Variants in TC2N observed in about 807,000 individuals in gnomAD.
The protein encoded by TC2N is tandem C2 domains, nuclear.
A neutral mutation model predicts 61.9 loss-of-function variants in TC2N; 51 were observed. That is an observed-to-expected ratio of 0.82 (90% confidence interval 0.66 to 1.04). The LOEUF is 1.04. TC2N is among the 50% of genes least tolerant of loss of function. The probability of loss-of-function intolerance (pLI) is 0.00; values close to 1 mark genes in which losing one functional copy is unlikely to be tolerated. For missense variants in TC2N, 556 were observed against 566.7 expected (o/e 0.98, Z 0.19); for synonymous variants, 204 against 192.6 (o/e 1.06, Z -0.49).
chr14:91,801,345 A>C (rs1229373515), intron 4 of TC2N, among the ~76,000 whole-genome samples: 2 of 152,204 alleles, frequency 1.3e-5, no homozygotes, highest in African/African-American at 2.4e-5. Context: ...TATACAGGTG[A>C]CAAGTGAAAT....
At chr14:91,844,053 G>A (rs1255251522) in intron 1 of TC2N, among the ~76,000 whole-genome samples, 3 of 150,758 alleles carry the variant, frequency 2.0e-5, no homozygotes, top group Non-Finnish European at 3.0e-5. Flanking sequence ...CAGAAGAAAG[G>A]AAAAAAAAAT....
chr14:91,816,703 A>T (rs551184674), intron 1 of TC2N, among the ~76,000 whole-genome samples: 2 of 152,036 alleles, frequency 1.3e-5, no homozygotes, highest in South Asian at 2.1e-4. Flanking sequence ...GTTATACAGT[A>T]TGAGAAATGG....
At chr14:91,800,221 C>T in intron 5 of TC2N, 60 bp downstream of exon 5, 1 of 1,040,372 alleles carries the variant, frequency 9.6e-7, no homozygotes, top group East Asian at 2.8e-5. Context: ...TCATACATTT[C>T]TGAATTTTTA....
intron 1 of TC2N, among the ~76,000 whole-genome samples, chr14:91,829,282 T>C (rs1436993454): frequency 6.6e-6 from 1 of 152,106 alleles, no homozygotes; most frequent in African/African-American, 2.4e-5. Context: ...CTTTCTTTTC[T>C]TGCAGAAATT....
chr14:91,817,143 A>G (rs1203339873), intron 1 of TC2N, among the ~76,000 whole-genome samples: 1 of 151,968 alleles, frequency 6.6e-6, no homozygotes, highest in Admixed American at 6.6e-5. Context: ...TACACAGAAC[A>G]TAGTATATCT....
chr14:91,826,394 A>T (rs576093832), intron 1 of TC2N, among the ~76,000 whole-genome samples: 1 of 151,794 alleles, frequency 6.6e-6, no homozygotes, highest in Admixed American at 6.6e-5. Flanking sequence ...TATAGTACTA[A>T]AAGAGATGCA....
In TC2N at chr14:91,813,636, A is replaced by G. The variant is rs182077792; in HGVS notation, c.67+67T>C. The G allele has an allele frequency of 2.7e-4, 313 of 1,144,576 alleles. 1 individual carries two copies. In the African/African-American group the frequency reaches 3.2e-3, roughly 12 times the overall value. The allele number at this position is 1,144,576 out of a possible 1,614,324, so 70.9% of individuals were successfully genotyped here. On this transcript the variant is annotated intron_variant, in intron 2 of 11. Transcript: ENST00000435962. ...AGTTGGAAAACATGCCTAATTCTTTATATTACAAAATGCCACAAATGAAGA... is the reference window on the plus strand; with the variant it reads ...AGTTGGAAAACATGCCTAATTCTTTGTATTACAAAATGCCACAAATGAAGA...
At chr14:91,806,700 AGCAT>A (rs2139853468) in intron 3 of TC2N, among the ~76,000 whole-genome samples, 1 of 152,266 alleles carries the variant, frequency 6.6e-6, no homozygotes, top group Admixed American at 6.5e-5. Context: ...TTTAAAAGAG[AGCAT>A]AAAAGTTCGA....
At position 91,802,254 on chromosome 14, in the gene TC2N, C is replaced by A; in HGVS notation, c.469G>T (p.Val157Phe). The A allele has an allele frequency of 1.3e-6, 2 of 1,533,792 alleles. No individual in the cohort carries two copies. The highest frequency in any genetic ancestry group is 1.3e-5 in the South Asian group (1 of 76,016). ...GGAAAAGCACAAAAGATCTTCATAC[C>A]CGATCCATACAGTCTCTTCACTTCT... The part of the protein sequence containing the change: ...RSEVKRLYGS[V>F]CDLRTNKLPG... The change falls in exon 4 of 12, where the codon GTT (valine) becomes TTT (phenylalanine). Residue 157 changes from valine (V) to phenylalanine (F), a missense_variant and splice_region_variant. By Grantham distance (50) the Val-to-Phe change is conservative. Transcript: ENST00000435962.
At chr14:91,831,152 G>T (rs866276375) in intron 1 of TC2N, among the ~76,000 whole-genome samples, 1 of 151,590 alleles carries the variant, frequency 6.6e-6, no homozygotes, top group African/African-American at 2.4e-5. Flanking sequence ...CCTATCTTTT[G>T]AATTGTTTTT....
At chr14:91,853,863 C>G (rs1403007467) in intron 1 of TC2N, among the ~76,000 whole-genome samples, 1 of 151,836 alleles carries the variant, frequency 6.6e-6, no homozygotes, top group African/African-American at 2.4e-5. Context: ...CATCTGGGAT[C>G]TGGCATAAGC....
At chr14:91,789,968 G>A (rs1464772221) in intron 9 of TC2N, among the ~76,000 whole-genome samples, 1 of 152,098 alleles carries the variant, frequency 6.6e-6, no homozygotes, top group Non-Finnish European at 1.5e-5. Flanking sequence ...CTTCTTAGCG[G>A]GGCAATACAT....
chr14:91,803,011 A>G (rs1481690807), intron 3 of TC2N, among the ~76,000 whole-genome samples: 2 of 152,190 alleles, frequency 1.3e-5, no homozygotes, highest in Non-Finnish European at 2.9e-5. Flanking sequence ...ACTGGGAATT[A>G]GGAATATAAT....
intron 1 of TC2N, among the ~76,000 whole-genome samples, chr14:91,844,661 T>C (rs962169226): frequency 1.4e-5 from 2 of 146,060 alleles, no homozygotes; most frequent in Admixed American, 7.1e-5. Flanking sequence ...CTCGGGAGGG[T>C]GAGGCAGGAG....
At chr14:91,828,802 G>A (rs1471919533) in intron 1 of TC2N, among the ~76,000 whole-genome samples, 1 of 151,838 alleles carries the variant, frequency 6.6e-6, no homozygotes, top group Non-Finnish European at 1.5e-5. Flanking sequence ...AGATTTTTAG[G>A]TTTGACTTTT....
At chr14:91,845,408 G>A (rs1392797378) in intron 1 of TC2N, among the ~76,000 whole-genome samples, 1 of 152,124 alleles carries the variant, frequency 6.6e-6, no homozygotes, top group Non-Finnish European at 1.5e-5. Flanking sequence ...CCAAAGCTAT[G>A]TGTGACTCTA....
In TC2N at chr14:91,783,189, T is replaced by C. The variant is rs762413205; in HGVS notation, c.1384A>G (p.Asn462Asp). The C allele has an allele frequency of 3.1e-6, 5 of 1,608,644 alleles. No homozygotes were observed. The highest frequency in any genetic ancestry group is 4.3e-6 in the Non-Finnish European group (5 of 1,175,972). Residue 462 changes from asparagine (N) to aspartate (D), a missense_variant, in exon 12 of 12, where the codon AAT becomes GAT. Coordinates refer to ENST00000435962, the MANE Select transcript of TC2N (RefSeq NM_001128596.3). Reference sequence around the variant, plus strand: ...CACTGGTTCACTGCTTCAATGTTATTACTGTCTTCACTTATCCAAATCTGT... The same window carrying C: ...CACTGGTTCACTGCTTCAATGTTATCACTGTCTTCACTTATCCAAATCTGT... ...VGQIWISEDSNNIEAVNQWKE... is the reference protein window; with the variant it reads ...VGQIWISEDSDNIEAVNQWKE...
intron 1 of TC2N, among the ~76,000 whole-genome samples, chr14:91,816,120 T>C (rs1886991041): frequency 6.6e-6 from 1 of 151,768 alleles, no homozygotes; most frequent in South Asian, 2.1e-4. Flanking sequence ...TATTTCTCAG[T>C]ATATATCTGT....
At chr14:91,789,984 A>G (rs1005928026) in intron 9 of TC2N, among the ~76,000 whole-genome samples, 2 of 152,182 alleles carry the variant, frequency 1.3e-5, no homozygotes, top group Admixed American at 1.3e-4. Context: ...TACATGGTAG[A>G]GTTAAAAGAG....
Sources: allele counts gnomAD v4.1 joint callset (sites outside exome capture counted in the v4.1 genomes callset), GRCh38; gene constraint gnomAD v4.1.1; transcripts MANE v1.5; gene names NCBI Gene and HGNC (gene_info 2026-07-23, HGNC 2026-07-21).